MAML3: variants seen among roughly 807,000 people sequenced by gnomAD.
MAML3 encodes mastermind-like protein 3.
Under a neutral mutation model 101.9 loss-of-function variants are expected in MAML3, and 27 were observed. That is an observed-to-expected ratio of 0.27 (90% CI 0.20 to 0.37). MAML3 has a LOEUF of 0.37. Ranked by LOEUF, MAML3 falls within the 10% of genes least tolerant of loss-of-function variation. The probability of loss-of-function intolerance (pLI) is 1.00; values close to 1 mark genes in which losing one functional copy is unlikely to be tolerated. For synonymous variants in MAML3, 501 were observed against 555.9 expected (o/e 0.90, Z 1.39); for missense variants, 1,316 against 1,444.9 (o/e 0.91, Z 1.45).
At chr4:139,904,632 C>T (rs180683483) in intron 1 of MAML3, among the ~76,000 whole-genome samples, 14 of 152,316 alleles carry the variant, frequency 9.2e-5, no homozygotes, top group African/African-American at 3.4e-4. Context: ...GAGGTGAAGA[C>T]AGCCCAGGCA....
At chr4:140,093,629 C>T (rs912370912) in intron 1 of MAML3, among the ~76,000 whole-genome samples, 1 of 151,608 alleles carries the variant, frequency 6.6e-6, no homozygotes, top group African/African-American at 2.4e-5. Flanking sequence ...GGGGTTTCAC[C>T]GTGTTAGCCA....
At chr4:139,879,911 G>A (rs1213739787) in intron 2 of MAML3, among the ~76,000 whole-genome samples, 1 of 152,144 alleles carries the variant, frequency 6.6e-6, no homozygotes, top group East Asian at 1.9e-4. Flanking sequence ...GGTGGCTCAC[G>A]CCTGTAATCC....
At chr4:140,095,334 C>T (rs1250631716) in intron 1 of MAML3, among the ~76,000 whole-genome samples, 1 of 152,172 alleles carries the variant, frequency 6.6e-6, no homozygotes, top group African/African-American at 2.4e-5. Flanking sequence ...GGACCCCCCA[C>T]TGCTTCTGGA....
intron 2 of MAML3, among the ~76,000 whole-genome samples, chr4:139,738,262 G>C (rs1729022531): frequency 6.6e-6 from 1 of 152,246 alleles, no homozygotes; most frequent in South Asian, 2.1e-4. Flanking sequence ...GTCATGGTCA[G>C]GCCAGGCATG....
intron 1 of MAML3, chr4:140,133,017 A>G (rs1320856319): frequency 2.4e-6 from 1 of 408,186 alleles, no homozygotes; most frequent in Non-Finnish European, 4.8e-6. Flanking sequence ...AAATATGTTG[A>G]AGATTATTTT....
In MAML3 at chr4:139,719,301, T is replaced by A. The variant is rs764015827; in HGVS notation, c.*22A>T. The A allele has an allele frequency of 1.3e-6, 2 of 1,541,254 alleles. No homozygotes were observed. Among genetic ancestry groups the A allele is most frequent in the African/African-American group, 2.8e-5 (2 of 72,404 alleles). On this transcript the variant is annotated 3_prime_UTR_variant, in exon 5 of 5. Transcript: ENST00000509479. ...TTTTAAGCTTTAACCACTCGAGTTG[T>A]GGATCTTGGGGCCTCTCTTGATTAG... is the stretch of plus-strand genomic sequence containing the variant.
chr4:139,888,539 T>C (rs1015286529), intron 2 of MAML3: 4 of 518,708 alleles, frequency 7.7e-6, no homozygotes, highest in African/African-American at 7.7e-5. Flanking sequence ...TGTTTGCCAC[T>C]GGTCAGGATG....
chr4:140,019,106 C>A (rs754896906), intron 1 of MAML3, among the ~76,000 whole-genome samples: 4 of 145,564 alleles, frequency 2.7e-5, no homozygotes, highest in Non-Finnish European at 5.9e-5. Context: ...TTTAGGTTAA[C>A]TCTGCCCTCC....
intron 1 of MAML3, among the ~76,000 whole-genome samples, chr4:140,035,597 C>T (rs1395870661): frequency 2.0e-5 from 3 of 151,990 alleles, no homozygotes; most frequent in African/African-American, 4.8e-5. Context: ...GAGATCAAGA[C>T]CATCCTGGCT....
At chr4:139,936,762 C>T (rs868526696) in intron 1 of MAML3, among the ~76,000 whole-genome samples, 29 of 152,214 alleles carry the variant, frequency 1.9e-4, no homozygotes, top group African/African-American at 7.0e-4. Flanking sequence ...TTGCCCTTAC[C>T]TCCTCCTCTT....
intron 2 of MAML3, among the ~76,000 whole-genome samples, chr4:139,850,735 C>A (rs756008534): frequency 6.6e-6 from 1 of 151,808 alleles, no homozygotes; most frequent in South Asian, 2.1e-4. Flanking sequence ...TAAAGACGGG[C>A]GTTTCACCAT....
At chr4:140,152,727 C>A in intron 1 of MAML3, 133 bp downstream of exon 1, 1 of 1,430,074 alleles carries the variant, frequency 7.0e-7, no homozygotes, top group South Asian at 1.4e-5. Context: ...TGACGTTAAC[C>A]CTTAGGCTTC....
intron 2 of MAML3, among the ~76,000 whole-genome samples, chr4:139,888,795 C>T (rs1732392294): frequency 6.6e-6 from 1 of 152,200 alleles, no homozygotes; most frequent in Admixed American, 6.5e-5. Context: ...AGTCTAGCAG[C>T]AAGTGTTTAA....
intron 1 of MAML3, among the ~76,000 whole-genome samples, chr4:139,997,523 A>G (rs1186861830): frequency 6.6e-6 from 1 of 152,068 alleles, no homozygotes; most frequent in Non-Finnish European, 1.5e-5. Flanking sequence ...TATAGACTTA[A>G]TAGTAGAGTG....
chr4:140,036,937 C>T (rs547796468), intron 1 of MAML3, among the ~76,000 whole-genome samples: 2 of 152,270 alleles, frequency 1.3e-5, no homozygotes, highest in Admixed American at 6.5e-5. Context: ...GTGCTCTGTG[C>T]TCTTCAGTCC....
chr4:140,137,378 T>C (rs1314131312), intron 1 of MAML3, among the ~76,000 whole-genome samples: 1 of 152,186 alleles, frequency 6.6e-6, no homozygotes, highest in African/African-American at 2.4e-5. Flanking sequence ...GTGCCACCCA[T>C]ATGGTTGTGG....
intron 1 of MAML3, among the ~76,000 whole-genome samples, chr4:140,120,016 T>C (rs1204596579): frequency 3.3e-5 from 5 of 151,958 alleles, no homozygotes; most frequent in Admixed American, 3.3e-4. Context: ...GGCAGGCGGA[T>C]CACGAGGTCA....
chr4:139,867,150 C>T (rs1369091857), intron 2 of MAML3, among the ~76,000 whole-genome samples: 2 of 152,132 alleles, frequency 1.3e-5, no homozygotes, highest in Non-Finnish European at 2.9e-5. Flanking sequence ...TACAATAAAT[C>T]CTTTTACAAA....
chr4:139,770,594 C>A (rs1276556379), intron 2 of MAML3, among the ~76,000 whole-genome samples: 1 of 152,134 alleles, frequency 6.6e-6, no homozygotes, highest in African/African-American at 2.4e-5. Context: ...GCGAGGCAGG[C>A]GCTCAGTTGG....
Sources: gnomAD v4.1 joint callset for allele counts (sites outside exome capture counted in the v4.1 genomes callset) on GRCh38, gnomAD v4.1.1 for gene constraint, MANE v1.5 for transcripts, NCBI Gene and HGNC (gene_info 2026-07-23, HGNC 2026-07-21) for gene names.